The following SPATA24 variants were observed in gnomAD, a reference collection of about 807,000 sequenced individuals.
SPATA24 encodes spermatogenesis-associated protein 24.
Under a neutral mutation model 28.9 loss-of-function variants are expected in SPATA24, and 21 were observed. That is an observed-to-expected ratio of 0.73 (90% CI 0.52 to 1.05). SPATA24 has a LOEUF of 1.05. SPATA24 is among the 50% of genes least tolerant of loss of function. The pLI, the probability that SPATA24 is intolerant of heterozygous loss-of-function variation, is 0.00. For missense variants in SPATA24, 215 were observed against 242.9 expected (o/e 0.88, Z 0.76); for synonymous variants, 76 against 89.9 (o/e 0.85, Z 0.88).
downstream of SPATA24, chr5:139,392,930 G>A (rs1758623172): frequency 1.3e-6 from 2 of 1,525,106 alleles, no homozygotes; most frequent in Non-Finnish European, 1.8e-6. The surrounding 1 kb of genome is among the most constrained non-coding windows in gnomAD (Gnocchi z 5.8). Context: ...TCTGCCCTCC[G>A]CCGCAGGACC....
chr5:139,394,195 T>A (rs936705073), downstream of SPATA24: 3 of 1,548,292 alleles, frequency 1.9e-6, no homozygotes, highest in Middle Eastern at 1.7e-4. Flanking sequence ...TGGCCGAGAC[T>A]TAGCCTTCTC....
chr5:139,404,000 G>T lies in SPATA24; in HGVS notation c.61C>A (p.Gln21Lys). 2 of 1,551,884 alleles carry T rather than the reference G, an allele frequency of 1.3e-6. No homozygotes were observed. The highest frequency in any genetic ancestry group is 1.7e-6 in the Non-Finnish European group (2 of 1,147,052). Reference sequence around the variant, plus strand: ...TGAGACTCAATCACGTCCCGCAGTTGATCTAAAGCGAGACACACAGATCCT... The same window carrying T: ...TGAGACTCAATCACGTCCCGCAGTTTATCTAAAGCGAGACACACAGATCCT... ...GSGSVCLALD[Q>K]LRDVIESQEE... Residue 21 changes from glutamine to lysine, a missense_variant, in exon 1 of 6, where the codon CAA becomes AAA. By Grantham distance (53) the Gln-to-Lys change is moderately conservative (BLOSUM62 1). Coordinates refer to ENST00000450845, the MANE Select transcript of SPATA24 (RefSeq NM_194296.2).
At chr5:139,393,199 C>A (rs756792252), downstream of SPATA24, 7 of 1,549,554 alleles carry the variant, frequency 4.5e-6, no homozygotes, top group South Asian at 1.2e-5. Context: ...CACCAACTTG[C>A]GCACGTCTCG....
chr5:139,401,891 C>T, intron 3 of SPATA24, 24 bp downstream of exon 3: 1 of 1,550,850 alleles, frequency 6.4e-7, no homozygotes, highest in Non-Finnish European at 8.7e-7. Context: ...CCAAACCCCA[C>T]ACCCCGTACT....
downstream of SPATA24, chr5:139,394,642 C>T: frequency 1.3e-6 from 2 of 1,534,730 alleles, no homozygotes; most frequent in Non-Finnish European, 1.7e-6. Flanking sequence ...AGACGCTGGC[C>T]CCGGCGGCAA....
At chr5:139,392,532 C>T, downstream of SPATA24, 2 of 1,351,394 alleles carry the variant, frequency 1.5e-6, no homozygotes, top group South Asian at 1.8e-5. The surrounding 1 kb of genome is among the most constrained non-coding windows in gnomAD (Gnocchi z 5.8). Flanking sequence ...CAGCGCGGGG[C>T]TGGGCTGGGG....
downstream of SPATA24, chr5:139,396,143 C>G (rs533540234): frequency 1.0e-6 from 1 of 984,326 alleles, no homozygotes; most frequent in East Asian, 1.1e-4. Flanking sequence ...CGACCCAGGA[C>G]AGGCTACACT....
intron 1 of SPATA24, 100 bp downstream of exon 1, chr5:139,403,844 G>T: frequency 1.9e-6 from 2 of 1,026,592 alleles, no homozygotes; most frequent in Non-Finnish European, 2.9e-6. Context: ...CATGGGCCAT[G>T]CGTTCTAGCC....
At chr5:139,392,999 A>G, downstream of SPATA24, 1 of 1,517,812 alleles carries the variant, frequency 6.6e-7, no homozygotes, top group Non-Finnish European at 8.8e-7. This position sits in a 1 kb window ranked among gnomAD's most constrained non-coding sequence, Gnocchi z 5.8. Flanking sequence ...GGAGGCTCGT[A>G]GGGGTGCGGC....
chr5:139,397,765 G>C (rs1437758363), intron 4 of SPATA24, among the ~76,000 whole-genome samples: 1 of 152,100 alleles, frequency 6.6e-6, no homozygotes, highest in Non-Finnish European at 1.5e-5. Context: ...ATGTTGGCCA[G>C]GCTGGTCTCG....
At chr5:139,397,930 T>C (rs1309465173) in intron 4 of SPATA24, among the ~76,000 whole-genome samples, 2 of 152,254 alleles carry the variant, frequency 1.3e-5, no homozygotes, top group African/African-American at 4.8e-5. Flanking sequence ...GCTGCTGGGA[T>C]GTAAGGTCCA....
At chr5:139,395,090 C>G (rs1758675631), downstream of SPATA24, 2 of 1,395,292 alleles carry the variant, frequency 1.4e-6, no homozygotes, top group Middle Eastern at 2.7e-4. Context: ...ATGGTGGGGC[C>G]GGACGCCGTG....
chr5:139,394,207 A>T (rs147598428), downstream of SPATA24: 285 of 1,548,696 alleles, frequency 1.8e-4, no homozygotes, highest in Middle Eastern at 2.3e-3. Flanking sequence ...AGCCTTCTCC[A>T]GGACCACGTG....
At chr5:139,403,696 T>C (rs1252360224) in intron 1 of SPATA24, among the ~76,000 whole-genome samples, 3 of 152,232 alleles carry the variant, frequency 2.0e-5, no homozygotes, top group Non-Finnish European at 2.9e-5. Context: ...TCAGGGACTC[T>C]CTACCAGCTC....
In SPATA24 at chr5:139,396,837, C is replaced by T. The variant is rs767683626; in HGVS notation, c.581G>A (p.Arg194His). The T allele has an allele frequency of 2.0e-5, 31 of 1,551,626 alleles. No homozygotes were observed. Among genetic ancestry groups the T allele is most frequent in the African/African-American group, 4.1e-5 (3 of 73,046 alleles). ...GGGATGCTGGTGGCTGCGGGCCTGA[C>T]GTGTCCCTGAGGCTTTCTTATGCTT... ...DQKHKKASGT[R>H]QARSHQHPRE... Residue 194 changes from arginine to histidine, a missense_variant, in exon 6 of 6, where the codon CGT becomes CAT. Transcript: ENST00000450845.
intron 2 of SPATA24, among the ~76,000 whole-genome samples, chr5:139,402,372 G>A (rs906191034): frequency 2.6e-5 from 4 of 151,118 alleles, no homozygotes; most frequent in East Asian, 1.9e-4. Context: ...CTGCCACCAC[G>A]CATGCTTGGC....
At chr5:139,394,091 C>G, downstream of SPATA24, 1 of 1,550,464 alleles carries the variant, frequency 6.4e-7, no homozygotes, top group Non-Finnish European at 8.7e-7. Context: ...GGCTCCGTCC[C>G]GGGCGCAGGC....
At chr5:139,397,488 G>C (rs1758735590) in intron 4 of SPATA24, among the ~76,000 whole-genome samples, 1 of 152,152 alleles carries the variant, frequency 6.6e-6, no homozygotes. Context: ...TGCCTCCTTG[G>C]AGAAACTCTC....
chr5:139,394,887 C>A, downstream of SPATA24: 1 of 1,511,370 alleles, frequency 6.6e-7, no homozygotes, highest in South Asian at 1.2e-5. Context: ...GCTGCGCGCC[C>A]GCCCCCCGCC....
Sources: gnomAD v4.1 joint callset for allele counts (sites outside exome capture counted in the v4.1 genomes callset) on GRCh38, gnomAD v4.1.1 for gene constraint, Gnocchi (gnomAD v3.1) non-coding constraint, MANE v1.5 for transcripts, NCBI Gene and HGNC (gene_info 2026-07-23, HGNC 2026-07-21) for gene names.